Variants in CDH12 observed in about 807,000 individuals in gnomAD.
CDH12 encodes the protein cadherin 12, also known as cadherin-12.
Under a neutral mutation model 74.1 loss-of-function variants are expected in CDH12, and 41 were observed. The observed-to-expected ratio is 0.55, with a 90% CI of 0.43 to 0.72. CDH12 has a LOEUF of 0.72. Ranked by LOEUF, CDH12 falls within the 30% of genes least tolerant of loss-of-function variation. CDH12 has a pLI of 0.00. For missense variants in CDH12, 945 were observed against 977.2 expected (o/e 0.97, Z 0.44); for synonymous variants, 399 against 355.0 (o/e 1.12, Z -1.39).
chr5:21,883,816 C>T (rs1752487475), intron 6 of CDH12: 4 of 1,598,010 alleles, frequency 2.5e-6, no homozygotes, highest in East Asian at 2.2e-5. Context: ...TTTGGTGGGA[C>T]AAGTGATGTT....
At chr5:21,967,856 G>T (rs1000393472) in intron 6 of CDH12, among the ~76,000 whole-genome samples, 1 of 152,144 alleles carries the variant, frequency 6.6e-6, no homozygotes, top group African/African-American at 2.4e-5. Flanking sequence ...ACACTTCACG[G>T]CTGGCACAGG....
intron 2 of CDH12, among the ~76,000 whole-genome samples, chr5:22,478,417 CA>C (rs34576542): frequency 2.1e-3 from 183 of 88,466 alleles, no homozygotes; most frequent in African/African-American, 6.6e-3. Context: ...GACTCCGTCT[CA>C]AAAAAAAAAA....
rs192361440 is a variant in CDH12, at chr5:22,442,126, C to T, written c.-427-36775G>A. 6.2e-4 allele frequency among the ~76,000 whole-genome samples: 95 copies of T among 152,030 alleles called. 1 individual carries two copies. Among genetic ancestry groups the T allele is most frequent in the Admixed American group, 1.3e-4 (2 of 15,236 alleles). On this transcript the variant is annotated intron_variant, in intron 2 of 14. Transcript: ENST00000382254. ...GATTATCCTATGACTGACTAAAAGTCGGGTCTAAATTTTCAGTCTGCGTAT... is the reference window on the plus strand; with the variant it reads ...GATTATCCTATGACTGACTAAAAGTTGGGTCTAAATTTTCAGTCTGCGTAT...
intron 4 of CDH12, among the ~76,000 whole-genome samples, chr5:22,167,006 A>C (rs1293134125): frequency 6.6e-6 from 1 of 152,168 alleles, no homozygotes; most frequent in Non-Finnish European, 1.5e-5. Flanking sequence ...TTTTATATGA[A>C]AATATTTTGA....
At chr5:22,627,955 AAC>A (rs997704480) in intron 1 of CDH12, among the ~76,000 whole-genome samples, 17 of 152,264 alleles carry the variant, frequency 1.1e-4, no homozygotes, top group African/African-American at 3.6e-4. Flanking sequence ...TTTCAGACAT[AAC>A]AGACTTTAAT....
At chr5:21,777,656 A>G (rs1378260954) in intron 11 of CDH12, among the ~76,000 whole-genome samples, 2 of 151,854 alleles carry the variant, frequency 1.3e-5, no homozygotes, top group African/African-American at 2.4e-5. Flanking sequence ...ATATTCAGCT[A>G]ATTTTTGTGT....
At chr5:22,020,587 G>A (rs1240419117) in intron 5 of CDH12, among the ~76,000 whole-genome samples, 1 of 150,988 alleles carries the variant, frequency 6.6e-6, no homozygotes, top group East Asian at 2.0e-4. Flanking sequence ...CAACCTCCAA[G>A]ATCGAGATTC....
At chr5:22,777,218 C>T (rs983560681) in intron 1 of CDH12, among the ~76,000 whole-genome samples, 8 of 152,160 alleles carry the variant, frequency 5.3e-5, no homozygotes, top group African/African-American at 1.7e-4. Context: ...TTCCCTTCTA[C>T]TCCATTCTAC....
At chr5:21,879,321 A>G (rs1430608194) in intron 6 of CDH12, among the ~76,000 whole-genome samples, 1 of 152,244 alleles carries the variant, frequency 6.6e-6, no homozygotes, top group Non-Finnish European at 1.5e-5. Flanking sequence ...GCAGCACATT[A>G]AAAGAAAGAA....
chr5:22,359,982 A>G (rs1448999332), intron 3 of CDH12, among the ~76,000 whole-genome samples: 7 of 152,210 alleles, frequency 4.6e-5, no homozygotes, highest in Non-Finnish European at 7.3e-5. Flanking sequence ...AAAGCAGGAA[A>G]GATCTAAAAT....
chr5:22,422,452 T>A (rs1316191805), intron 2 of CDH12, among the ~76,000 whole-genome samples: 1 of 152,158 alleles, frequency 6.6e-6, no homozygotes, highest in Non-Finnish European at 1.5e-5. Flanking sequence ...ATCTTTCTGA[T>A]GTGCTGTTGA....
At chr5:22,105,590 C>G (rs894454632) in intron 4 of CDH12, among the ~76,000 whole-genome samples, 1 of 151,228 alleles carries the variant, frequency 6.6e-6, no homozygotes, top group Non-Finnish European at 1.5e-5. Context: ...TTCAGCTACT[C>G]GGGAGGCTGA....
At chr5:22,761,515 T>C (rs532953809) in intron 1 of CDH12, among the ~76,000 whole-genome samples, 6 of 152,256 alleles carry the variant, frequency 3.9e-5, no homozygotes, top group East Asian at 1.9e-4. Context: ...AAGATATAAA[T>C]ATAAGCAGTA....
rs560602676 is a variant in CDH12 at position 22,375,019 on chromosome 5, G to A, written c.-333+30238C>T. Among the ~76,000 whole-genome samples the A allele has an allele frequency of 9.9e-5, 15 of 151,958 alleles. No homozygotes were observed. In the South Asian group the frequency reaches 3.1e-3, roughly 32 times the overall value. ...CAAAGCAATACTGAGCAAAATATAT[G>A]AAGCTATAGGCATCACACTACCTGA... On this transcript the variant is annotated intron_variant, in intron 3 of 14. Coordinates refer to ENST00000382254, the MANE Select transcript of CDH12 (RefSeq NM_004061.5).
At chr5:22,255,796 A>G (rs1753291894) in intron 3 of CDH12, among the ~76,000 whole-genome samples, 1 of 151,972 alleles carries the variant, frequency 6.6e-6, no homozygotes, top group East Asian at 1.9e-4. Context: ...TTTTAAAAAA[A>G]TGATATCTAG....
At chr5:22,302,964 T>A (rs1737955771) in intron 3 of CDH12, among the ~76,000 whole-genome samples, 1 of 152,066 alleles carries the variant, frequency 6.6e-6, no homozygotes, top group Non-Finnish European at 1.5e-5. Flanking sequence ...TGTTGAAATA[T>A]GAATGTGGTT....
intron 3 of CDH12, among the ~76,000 whole-genome samples, chr5:22,297,302 TA>T (rs1423595141): frequency 6.6e-6 from 1 of 152,174 alleles, no homozygotes; most frequent in Non-Finnish European, 1.5e-5. Flanking sequence ...ATAACAGGCA[TA>T]AGCCACCGCG....
At chr5:21,912,474 C>G (rs1397754627) in intron 6 of CDH12, among the ~76,000 whole-genome samples, 1 of 152,084 alleles carries the variant, frequency 6.6e-6, no homozygotes, top group African/African-American at 2.4e-5. Context: ...TAAAAGATAT[C>G]AAACTCCTTA....
At chr5:22,112,803 C>T (rs1744888139) in intron 4 of CDH12, among the ~76,000 whole-genome samples, 1 of 152,132 alleles carries the variant, frequency 6.6e-6, no homozygotes, top group Admixed American at 6.6e-5. Flanking sequence ...CTGTAACCTC[C>T]TGGCTATATG....
Sources: gnomAD v4.1 joint callset for allele counts (sites outside exome capture counted in the v4.1 genomes callset) on GRCh38, gnomAD v4.1.1 for gene constraint, MANE v1.5 for transcripts, NCBI Gene and HGNC (gene_info 2026-07-23, HGNC 2026-07-21) for gene names.